Variants in ADGRL3 observed in about 807,000 individuals in gnomAD.
ADGRL3 encodes calcium-independent alpha-latrotoxin receptor 3.
Under a neutral mutation model 153.5 loss-of-function variants are expected in ADGRL3, and 62 were observed. That is an observed-to-expected ratio of 0.40 (90% CI 0.33 to 0.50). ADGRL3 has a LOEUF of 0.50. ADGRL3 is among the 20% of genes least tolerant of loss of function. The pLI is 0.47. For missense variants in ADGRL3, 1,641 were observed against 1,859.4 expected, an observed-to-expected ratio of 0.88 and a Z score of 2.16; for synonymous variants, 710 against 672.5, an observed-to-expected ratio of 1.06 and a Z score of -0.86.
chr4:61,583,116 T>G (rs1405629169), intron 4 of ADGRL3, among the ~76,000 whole-genome samples: 1 of 152,074 alleles, frequency 6.6e-6, no homozygotes, highest in South Asian at 2.1e-4. Flanking sequence ...ATTTAGTCTT[T>G]TACTTATTGA....
intron 2 of ADGRL3, among the ~76,000 whole-genome samples, chr4:61,402,075 G>A (rs1293045858): frequency 3.9e-5 from 6 of 151,978 alleles, no homozygotes; most frequent in African/African-American, 1.2e-4. Flanking sequence ...GAAATTTGAG[G>A]TTCCTATAAT....
chr4:61,936,463 T>G (rs1460079311), intron 15 of ADGRL3, among the ~76,000 whole-genome samples: 1 of 152,106 alleles, frequency 6.6e-6, no homozygotes, highest in Non-Finnish European at 1.5e-5. Flanking sequence ...AGTGTTTTTG[T>G]GCTTTTCTTT....
intron 4 of ADGRL3, among the ~76,000 whole-genome samples, chr4:61,578,309 T>C (rs1446247122): frequency 5.3e-5 from 8 of 152,066 alleles, no homozygotes; most frequent in Admixed American, 3.3e-4. Flanking sequence ...TAAACTGTTA[T>C]CATTGGGAAT....
chr4:61,538,052 C>T (rs1335089792), intron 4 of ADGRL3, among the ~76,000 whole-genome samples: 2 of 151,748 alleles, frequency 1.3e-5, no homozygotes, highest in Admixed American at 1.3e-4. Context: ...GTTTTTGTAC[C>T]GCTGGAGTTT....
intron 3 of ADGRL3, among the ~76,000 whole-genome samples, chr4:61,510,849 G>T (rs900907452): frequency 3.3e-5 from 5 of 152,168 alleles, no homozygotes; most frequent in Admixed American, 3.3e-4. Flanking sequence ...AGTGCTTTGG[G>T]TGGGCAGTAT....
chr4:61,223,746 T>G (rs1348343485), intron 1 of ADGRL3, among the ~76,000 whole-genome samples: 1 of 152,158 alleles, frequency 6.6e-6, no homozygotes, highest in Non-Finnish European at 1.5e-5. Flanking sequence ...TCTGTCTGCT[T>G]CCCTATGCCT....
chr4:61,627,100 A>C (rs1369228611), intron 5 of ADGRL3, among the ~76,000 whole-genome samples: 1 of 152,090 alleles, frequency 6.6e-6, no homozygotes, highest in African/African-American at 2.4e-5. Context: ...ATTGCCTCTG[A>C]TTAATATTTT....
intron 8 of ADGRL3, among the ~76,000 whole-genome samples, chr4:61,777,985 G>A (rs755025200): frequency 2.6e-5 from 4 of 152,092 alleles, no homozygotes; most frequent in Non-Finnish European, 4.4e-5. Context: ...CATCTCTAAC[G>A]TGAAAATTAG....
At chr4:61,624,764 G>T (rs1268851180) in intron 5 of ADGRL3, among the ~76,000 whole-genome samples, 1 of 151,992 alleles carries the variant, frequency 6.6e-6, no homozygotes, top group Non-Finnish European at 1.5e-5. Flanking sequence ...ATGGATATGA[G>T]ATGTCATTAA....
intron 4 of ADGRL3, among the ~76,000 whole-genome samples, chr4:61,530,605 C>A (rs551031685): frequency 6.6e-6 from 1 of 151,970 alleles, no homozygotes; most frequent in Admixed American, 6.6e-5. Context: ...TATGTTAATT[C>A]ATTATTTAAG....
chr4:61,869,936 TAAAAA>T (rs1190618911), intron 9 of ADGRL3, among the ~76,000 whole-genome samples: 33 of 10,500 alleles, frequency 3.1e-3, no homozygotes, highest in Middle Eastern at 0.071. Flanking sequence ...AAAACTTTGT[TAAAAA>T]AAAAAAAAAA....
chr4:61,504,557 G>A (rs1434345155), intron 3 of ADGRL3, among the ~76,000 whole-genome samples: 1 of 151,550 alleles, frequency 6.6e-6, no homozygotes, highest in African/African-American at 2.4e-5. Context: ...AATTATTGTT[G>A]GTTATAGTCA....
chr4:61,928,826 G>C (rs2880915), intron 13 of ADGRL3, among the ~76,000 whole-genome samples: 2 of 151,154 alleles, frequency 1.3e-5, no homozygotes, highest in Non-Finnish European at 2.9e-5. Context: ...AAATAAAAAA[G>C]GATGCTTTCA....
intron 1 of ADGRL3, among the ~76,000 whole-genome samples, chr4:61,285,174 G>A (rs920693183): frequency 4.0e-5 from 6 of 151,784 alleles, no homozygotes; most frequent in Non-Finnish European, 5.9e-5. Flanking sequence ...AAAAAATATC[G>A]TATCACTGGG....
chr4:61,281,017 G>A (rs899203838), intron 1 of ADGRL3, among the ~76,000 whole-genome samples: 1 of 151,918 alleles, frequency 6.6e-6, no homozygotes, highest in African/African-American at 2.4e-5. Context: ...GCATCAAAAT[G>A]TTATGCTTCA....
At chr4:61,208,969 C>G (rs1302435316) in intron 1 of ADGRL3, among the ~76,000 whole-genome samples, 1 of 151,982 alleles carries the variant, frequency 6.6e-6, no homozygotes. Flanking sequence ...TTCCGATTAC[C>G]TTTACTAGAT....
rs1560622966 is a variant in ADGRL3, at chr4:61,432,614, CTTTCTTTCTTTCTTTCTTTCTT to C, written c.-174+49427_-174+49448del. ...TCTTTCTTTCTTTCTTTCTTTCTTT[CTTTCTTTCTTTCTTTCTTTCTT>C]TCTTTCTTTCTTTCTTTCTTTTTTT... On this transcript the variant is annotated intron_variant, in intron 2 of 26. Coordinates refer to ENST00000683033, the MANE Select transcript of ADGRL3 (RefSeq NM_001387552.1). Among the ~76,000 whole-genome samples, 485 of 70,722 alleles carry C rather than the reference CTTTCTTTCTTTCTTTCTTTCTT, an allele frequency of 6.9e-3. 73 individuals are homozygous for C. Among genetic ancestry groups the C allele is most frequent in the Non-Finnish European group, 0.012 (401 of 33,752 alleles). The allele number at this position is 70,722 out of a possible 152,430, so 46.4% of individuals were successfully genotyped here.
At chr4:61,916,471 TA>T (rs888345266) in intron 13 of ADGRL3, among the ~76,000 whole-genome samples, 14 of 147,980 alleles carry the variant, frequency 9.5e-5, no homozygotes, top group Non-Finnish European at 1.0e-4. Context: ...CCATGTCTCT[TA>T]AAAAAAAAAT....
intron 21 of ADGRL3, among the ~76,000 whole-genome samples, chr4:62,003,023 A>G (rs1438454532): frequency 6.6e-6 from 1 of 152,160 alleles, no homozygotes; most frequent in African/African-American, 2.4e-5. Flanking sequence ...ATTGAAAAAT[A>G]TTAATTAACG....
Sources: allele counts gnomAD v4.1 joint callset (sites outside exome capture counted in the v4.1 genomes callset), GRCh38; gene constraint gnomAD v4.1.1; transcripts MANE v1.5; gene names NCBI Gene and HGNC (gene_info 2026-07-23, HGNC 2026-07-21).